Variants in SARDH observed in about 807,000 individuals in gnomAD.
SARDH encodes the protein sarcosine dehydrogenase, also known as sarcosine dehydrogenase, mitochondrial.
A neutral mutation model predicts 109.1 loss-of-function variants in SARDH; 95 were observed. The ratio of observed to expected loss-of-function variants is 0.87; its 90% CI spans 0.74 to 1.03. The LOEUF (loss-of-function observed/expected upper bound fraction) is 1.03. SARDH is among the 50% of genes least tolerant of loss of function. The pLI, the probability that SARDH is intolerant of heterozygous loss-of-function variation, is 0.00. For missense variants in SARDH, 1,267 were observed against 1,287.8 expected (o/e 0.98, Z 0.25); for synonymous variants, 572 against 534.8 (o/e 1.07, Z -0.96).
At chr9:133,678,536 A>G (rs577659041) in intron 17 of SARDH, among the ~76,000 whole-genome samples, 1 of 152,352 alleles carries the variant, frequency 6.6e-6, no homozygotes, top group South Asian at 2.1e-4. Flanking sequence ...GGAGCTGGCC[A>G]TAAAGATGTT....
chr9:133,691,206 A>ACACACACACATG (rs1441076683), intron 15 of SARDH, among the ~76,000 whole-genome samples: 1 of 147,944 alleles, frequency 6.8e-6, no homozygotes, highest in African/African-American at 2.6e-5. Context: ...ACACACACAC[A>ACACACACACATG]CACACACACG....
Position 133,686,624 on chromosome 9 carries a change from C to T in SARDH, c.2070-1338G>A, listed in dbSNP as rs1303745238. 1.3e-5 allele frequency among the ~76,000 whole-genome samples: 2 copies of T among 152,030 alleles called. No individual in the cohort carries two copies. On this transcript the variant is annotated intron_variant, in intron 16 of 20. Coordinates refer to ENST00000439388, the MANE Select transcript of SARDH (RefSeq NM_001134707.2). This position sits in a 1 kb window ranked among gnomAD's most constrained non-coding sequence, Gnocchi z 4.0. Reference sequence around the variant, plus strand: ...CTCAGTAAATAGAACTGACTGTGAACACCCTGGCTTGGCACAGCAGGGTGA... The same window carrying T: ...CTCAGTAAATAGAACTGACTGTGAATACCCTGGCTTGGCACAGCAGGGTGA...
At chr9:133,714,202 C>T (rs988844962) in intron 8 of SARDH, among the ~76,000 whole-genome samples, 1 of 152,306 alleles carries the variant, frequency 6.6e-6, no homozygotes, top group South Asian at 2.1e-4. Context: ...AGATCAGGAG[C>T]AAGTGCCGTC....
At chr9:133,739,469 C>T (rs1832990542), upstream of SARDH, among the ~76,000 whole-genome samples, 1 of 152,208 alleles carries the variant, frequency 6.6e-6, no homozygotes, top group Non-Finnish European at 1.5e-5. Context: ...CCTCGAGGGG[C>T]TCAGGGTCCA....
chr9:133,661,390 C>T (rs762681366), downstream of SARDH, among the ~76,000 whole-genome samples: 12 of 151,916 alleles, frequency 7.9e-5, no homozygotes, highest in Middle Eastern at 3.2e-3. Flanking sequence ...CTTTCTGCGT[C>T]CCATTCATAC....
At chr9:133,714,176 G>GA (rs200126729) in intron 8 of SARDH, among the ~76,000 whole-genome samples, 2,110 of 152,174 alleles carry the variant, frequency 0.014, 56 homozygotes, top group African/African-American at 0.047. Context: ...AGTCTGGGGG[G>GA]TCATCCTCTG....
intron 16 of SARDH, among the ~76,000 whole-genome samples, chr9:133,687,704 T>C (rs1364770262): frequency 2.0e-5 from 3 of 152,144 alleles, no homozygotes; most frequent in Non-Finnish European, 4.4e-5. Flanking sequence ...GACCACTCAG[T>C]TATGGAGCAT....
chr9:133,667,165 C>T (rs190947308), intron 19 of SARDH: 351 of 525,640 alleles, frequency 6.7e-4, no homozygotes, highest in Admixed American at 1.7e-3. Context: ...CCCCTGCTTC[C>T]GATTTCCTTC....
At chr9:133,730,242 C>G (rs1832630914) in intron 4 of SARDH, 55 bp from the exon 5 acceptor site, 2 of 1,598,184 alleles carry the variant, frequency 1.3e-6, no homozygotes, top group Non-Finnish European at 1.7e-6. Flanking sequence ...GGGGGTGCTT[C>G]CCACCCCACT....
At chr9:133,673,960 T>G (rs984956316) in intron 17 of SARDH, among the ~76,000 whole-genome samples, 3 of 152,158 alleles carry the variant, frequency 2.0e-5, no homozygotes. Flanking sequence ...CAGCTGGGTC[T>G]GGGTCTCCAT....
At position 133,690,534 on chromosome 9, in the gene SARDH, G is replaced by C; in HGVS notation, c.1922-7C>G. The C allele has an allele frequency of 6.3e-7, 1 of 1,593,898 alleles. No individual in the cohort carries two copies. The highest frequency in any genetic ancestry group is 1.3e-5 in the African/African-American group (1 of 74,928). ...GCCAGGTAGTAACCGTCCCCTGGAA[G>C]AGAGGCACCTGGACTTAGAGCAGGA... On this transcript the variant is annotated splice_polypyrimidine_tract_variant and splice_region_variant and intron_variant, in intron 15 of 20. Transcript: ENST00000439388.
chr9:133,695,889 C>T (rs1438953825), intron 14 of SARDH, among the ~76,000 whole-genome samples: 2 of 152,186 alleles, frequency 1.3e-5, no homozygotes, highest in Admixed American at 1.3e-4. Flanking sequence ...GGCAATCCCA[C>T]CTGTGAGAGC....
downstream of SARDH, among the ~76,000 whole-genome samples, chr9:133,661,521 G>T (rs1429798578): frequency 6.6e-6 from 1 of 151,130 alleles, no homozygotes; most frequent in Non-Finnish European, 1.5e-5. Flanking sequence ...CCCTCTTGTT[G>T]CCCAGGCTGG....
intron 13 of SARDH, among the ~76,000 whole-genome samples, chr9:133,699,643 C>A (rs1357347492): frequency 6.6e-6 from 1 of 152,092 alleles, no homozygotes; most frequent in East Asian, 1.9e-4. Context: ...ATTAGTTGTT[C>A]CAGGAATGCA....
intron 1 of SARDH, among the ~76,000 whole-genome samples, chr9:133,736,359 C>T: frequency 6.6e-6 from 1 of 151,052 alleles, no homozygotes; most frequent in East Asian, 2.0e-4. Flanking sequence ...CTGTGTGTCT[C>T]ATGTTTAAAT....
chr9:133,695,881 C>T (rs1012543433), intron 14 of SARDH, among the ~76,000 whole-genome samples: 1 of 152,182 alleles, frequency 6.6e-6, no homozygotes, highest in East Asian at 1.9e-4. Flanking sequence ...TTAATTCTGG[C>T]AATCCCACCT....
chr9:133,722,642 G>GCT (rs56179331), intron 6 of SARDH, among the ~76,000 whole-genome samples: 10,071 of 145,628 alleles, frequency 0.069, 382 homozygotes, highest in African/African-American at 0.13. Flanking sequence ...AACTACTAGC[G>GCT]CTCTCTCTCT....
At chr9:133,722,884 C>T (rs1295009911) in intron 6 of SARDH, among the ~76,000 whole-genome samples, 1 of 152,136 alleles carries the variant, frequency 6.6e-6, no homozygotes, top group Non-Finnish European at 1.5e-5. Context: ...GTCTTGAACT[C>T]CTGACCTCAA....
rs1426540824 is a variant in SARDH at position 133,693,309 on chromosome 9, T to C, written c.1921+949A>G. On this transcript the variant is annotated intron_variant, in intron 15 of 20. Transcript: ENST00000439388. This position sits in a 1 kb window ranked among gnomAD's most constrained non-coding sequence, Gnocchi z 5.6. ...GTGCGGGTTATGAGCTGATCATGAA[T>C]GAGCCCCTTTCTCCCCTTGCCTCTC... Among the ~76,000 whole-genome samples the C allele has an allele frequency of 6.6e-6, 1 of 152,146 alleles. No homozygotes were observed. The highest frequency in any genetic ancestry group is 1.5e-5 in the Non-Finnish European group (1 of 68,022).
Sources: gnomAD v4.1 joint callset for allele counts (sites outside exome capture counted in the v4.1 genomes callset) on GRCh38, gnomAD v4.1.1 for gene constraint, Gnocchi (gnomAD v3.1) non-coding constraint, MANE v1.5 for transcripts, NCBI Gene and HGNC (gene_info 2026-07-23, HGNC 2026-07-21) for gene names.